HCN1: variants seen among roughly 807,000 people sequenced by gnomAD.
HCN1 encodes the protein hyperpolarization activated cyclic nucleotide gated potassium channel 1, also known as potassium/sodium hyperpolarization-activated cyclic nucleotide-gated channel 1.
Under a neutral mutation model 78.9 loss-of-function variants are expected in HCN1, and 13 were observed. That is an observed-to-expected ratio of 0.16 (90% CI 0.11 to 0.26). The LOEUF is 0.26. Among genes scored for constraint, HCN1 ranks in the 10% least tolerant of loss-of-function variants. The pLI is 1.00. For missense variants in HCN1, 810 were observed against 1,154.3 expected (o/e 0.70, Z 4.32); for synonymous variants, 552 against 455.5 (o/e 1.21, Z -2.70).
chr5:45,341,894 C>A (rs1435045080), intron 5 of HCN1, among the ~76,000 whole-genome samples: 1 of 152,118 alleles, frequency 6.6e-6, no homozygotes, highest in Non-Finnish European at 1.5e-5. Context: ...CAAACAAGGG[C>A]AATTTTGTGA....
intron 2 of HCN1, among the ~76,000 whole-genome samples, chr5:45,552,642 A>G (rs748393687): frequency 5.9e-5 from 9 of 151,928 alleles, no homozygotes; most frequent in Non-Finnish European, 8.8e-5. Flanking sequence ...TAAAGAGTTA[A>G]CAGCTTCAGT....
intron 1 of HCN1, among the ~76,000 whole-genome samples, chr5:45,666,412 C>T (rs1165995047): frequency 6.6e-6 from 1 of 151,938 alleles, no homozygotes; most frequent in African/African-American, 2.4e-5. Flanking sequence ...CCCCTTGATA[C>T]TTCTATATTA....
At chr5:45,469,113 G>A (rs1302100254) in intron 2 of HCN1, among the ~76,000 whole-genome samples, 1 of 151,816 alleles carries the variant, frequency 6.6e-6, no homozygotes, top group Non-Finnish European at 1.5e-5. Context: ...ATTTTAATAT[G>A]ATAGGTTATT....
intron 4 of HCN1, among the ~76,000 whole-genome samples, chr5:45,369,370 C>A (rs1479068732): frequency 6.7e-6 from 1 of 148,306 alleles, no homozygotes; most frequent in Non-Finnish European, 1.5e-5. Context: ...AAATGTAAAT[C>A]TGCCCATGGC....
At chr5:45,633,660 A>G (rs1745306985) in intron 2 of HCN1, among the ~76,000 whole-genome samples, 1 of 152,018 alleles carries the variant, frequency 6.6e-6, no homozygotes, top group Admixed American at 6.6e-5. Flanking sequence ...AGCTCAGCAT[A>G]TGATATACAT....
intron 3 of HCN1, among the ~76,000 whole-genome samples, chr5:45,446,637 G>C (rs1385473230): frequency 6.6e-6 from 1 of 152,204 alleles, no homozygotes; most frequent in African/African-American, 2.4e-5. Flanking sequence ...CAGCCAGAGA[G>C]AAAGGTCCGG....
chr5:45,688,673 T>C (rs903346904), intron 1 of HCN1, among the ~76,000 whole-genome samples: 10 of 152,026 alleles, frequency 6.6e-5, no homozygotes, highest in Non-Finnish European at 1.3e-4. Flanking sequence ...GTGCAAAAAC[T>C]TGTACGAGAA....
At chr5:45,533,140 G>C (rs1185731411) in intron 2 of HCN1, among the ~76,000 whole-genome samples, 2 of 152,192 alleles carry the variant, frequency 1.3e-5, no homozygotes, top group Admixed American at 6.5e-5. Flanking sequence ...AAGCTTTGCA[G>C]AAATCAGCAC....
intron 3 of HCN1, among the ~76,000 whole-genome samples, chr5:45,426,065 C>T (rs545008667): frequency 6.6e-5 from 10 of 152,238 alleles, no homozygotes; most frequent in Admixed American, 3.3e-4. Flanking sequence ...TCTTCTATGC[C>T]GCCTCTCCTC....
chr5:45,470,888 C>T (rs1741377709), intron 2 of HCN1, among the ~76,000 whole-genome samples: 1 of 151,882 alleles, frequency 6.6e-6, no homozygotes, highest in African/African-American at 2.4e-5. Flanking sequence ...TTTCTCTAGA[C>T]CTACTGGAGA....
intron 2 of HCN1, among the ~76,000 whole-genome samples, chr5:45,501,182 G>C (rs1742178638): frequency 6.6e-6 from 1 of 152,106 alleles, no homozygotes; most frequent in Admixed American, 6.5e-5. Context: ...TACTTTCAGG[G>C]AGAAAATGTG....
intron 6 of HCN1, among the ~76,000 whole-genome samples, chr5:45,290,554 G>C (rs1404900691): frequency 1.3e-5 from 2 of 151,992 alleles, no homozygotes; most frequent in Non-Finnish European, 1.5e-5. Context: ...AGACACTTTT[G>C]TGTTTAAAAA....
chr5:45,277,041 A>G (rs1330609445), intron 6 of HCN1, among the ~76,000 whole-genome samples: 1 of 152,104 alleles, frequency 6.6e-6, no homozygotes, highest in Non-Finnish European at 1.5e-5. Flanking sequence ...TCCATGGGTA[A>G]GAAAGTTAGT....
chr5:45,370,667 C>A (rs1186912321), intron 4 of HCN1, among the ~76,000 whole-genome samples: 1 of 151,928 alleles, frequency 6.6e-6, no homozygotes, highest in Non-Finnish European at 1.5e-5. Flanking sequence ...TATGTGTGTG[C>A]TTATTTATTC....
intron 1 of HCN1, among the ~76,000 whole-genome samples, chr5:45,676,854 A>G (rs529356757): frequency 6.6e-6 from 1 of 151,898 alleles, no homozygotes; most frequent in African/African-American, 2.4e-5. Flanking sequence ...GACATGCAGT[A>G]TTATCCTTGA....
chr5:45,337,916 T>G (rs1378567663), intron 5 of HCN1, among the ~76,000 whole-genome samples: 1 of 152,132 alleles, frequency 6.6e-6, no homozygotes, highest in Non-Finnish European at 1.5e-5. Context: ...AATCACCTAA[T>G]TTTTGCCACA....
chr5:45,257,223 C>T lies in HCN1; in HGVS notation c.*4698G>A, dbSNP rs1744633505. The stretch of plus-strand genomic sequence containing the variant: ...AAAGTACAACACTGTAAAACCTTTG[C>T]CCTGATGTTAAAAGCCTTTCAGAAG... On this transcript the variant is annotated 3_prime_UTR_variant, in exon 8 of 8. Transcript: ENST00000303230. 1 of 152,166 alleles carries T rather than the reference C, an allele frequency of 6.6e-6. No homozygotes were observed. The highest frequency in any genetic ancestry group is 1.5e-5 in the Non-Finnish European group (1 of 68,030). The allele number at this position is 152,166 out of a possible 1,614,324, so 9.4% of individuals were successfully genotyped here. A position where few individuals can be genotyped will look rare whatever the true frequency, so the allele number is the denominator to read the frequency against.
intron 1 of HCN1, among the ~76,000 whole-genome samples, chr5:45,694,731 G>A (rs1739972765): frequency 6.6e-6 from 1 of 152,146 alleles, no homozygotes; most frequent in Non-Finnish European, 1.5e-5. Flanking sequence ...ACGCTAATAA[G>A]AGGATCTACT....
chr5:45,286,871 G>A (rs1745278929), intron 6 of HCN1, among the ~76,000 whole-genome samples: 2 of 151,936 alleles, frequency 1.3e-5, no homozygotes, highest in South Asian at 4.2e-4. Flanking sequence ...AATTGGTGAT[G>A]AAACGCAATT....
Sources: allele counts gnomAD v4.1 joint callset (sites outside exome capture counted in the v4.1 genomes callset), GRCh38; gene constraint gnomAD v4.1.1; transcripts MANE v1.5; gene names NCBI Gene and HGNC (gene_info 2026-07-23, HGNC 2026-07-21).